LIPI: variants seen among roughly 807,000 people sequenced by gnomAD.
LIPI encodes lipase I, also known as lipase member I.
A neutral mutation model predicts 50.6 loss-of-function variants in LIPI; 59 were observed. The observed-to-expected ratio is 1.16, with a 90% confidence interval of 0.94 to 1.45. LIPI has a LOEUF of 1.45. LIPI is among the 40% of genes most tolerant of loss of function. The pLI, the probability that LIPI is intolerant of heterozygous loss-of-function variation, is 0.00. For synonymous variants in LIPI, 203 were observed against 178.2 expected (o/e 1.14, Z -1.11); for missense variants, 586 against 536.3 (o/e 1.09, Z -0.92).
In LIPI at chr21:14,152,091, AT is replaced by A. The variant is rs956668575; in HGVS notation, c.1118+481del. ...ACTTATTTTATTTATTTATTTATTT[AT>A]TTATTTATTTATTTATTTATTTATT... On this transcript the variant is annotated intron_variant, in intron 8 of 9. Coordinates refer to ENST00000681601, the MANE Select transcript of LIPI (RefSeq NM_001302998.2). Among the ~76,000 whole-genome samples, 20 of 150,298 alleles carry A rather than the reference AT, an allele frequency of 1.3e-4. No individual in the cohort carries two copies. The East Asian group carries it at 3.5e-3, about 26-fold the overall frequency.
chr21:14,136,571 T>C (rs1257836333), intron 9 of LIPI, among the ~76,000 whole-genome samples: 1 of 152,144 alleles, frequency 6.6e-6, no homozygotes, highest in Non-Finnish European at 1.5e-5. Flanking sequence ...CCAGGTAGAC[T>C]TCTAAGGTTT....
At chr21:14,132,590 C>G (rs983821202) in intron 9 of LIPI, among the ~76,000 whole-genome samples, 4 of 151,930 alleles carry the variant, frequency 2.6e-5, no homozygotes, top group Non-Finnish European at 4.4e-5. Context: ...AACATGGAAA[C>G]AAAAAGTCAA....
rs1274648444 is a variant in LIPI at position 14,130,919 on chromosome 21, T to C, written c.1295+13704A>G. Among the ~76,000 whole-genome samples, 5 of 152,126 alleles carry C rather than the reference T, an allele frequency of 3.3e-5. No homozygotes were observed. In the East Asian group the frequency reaches 9.6e-4, roughly 29 times the overall value. ...CTGAGAGCCTTCCCACACAGCTGGCTCACCACTCCCACTACTAACTTTTTT... is the reference window on the plus strand; with the variant it reads ...CTGAGAGCCTTCCCACACAGCTGGCCCACCACTCCCACTACTAACTTTTTT... On this transcript the variant is annotated intron_variant, in intron 9 of 9. Transcript: ENST00000681601.
At chr21:14,155,438 TG>T (rs2018240491) in intron 7 of LIPI, among the ~76,000 whole-genome samples, 1 of 151,834 alleles carries the variant, frequency 6.6e-6, no homozygotes, top group Non-Finnish European at 1.5e-5. Context: ...TTTCTAAATT[TG>T]GTGAAAAAAA....
At chr21:14,137,217 T>A (rs73157513) in intron 9 of LIPI, among the ~76,000 whole-genome samples, 21,239 of 151,516 alleles carry the variant, frequency 0.14, 1,960 homozygotes, top group South Asian at 0.22. Flanking sequence ...CAGGAAAACA[T>A]GACATCAACA....
chr21:14,130,067 T>C (rs2122991159), intron 9 of LIPI, among the ~76,000 whole-genome samples: 1 of 152,262 alleles, frequency 6.6e-6, no homozygotes. Flanking sequence ...ATCAACAAAC[T>C]TTGTAAAATT....
chr21:14,182,430 A>G (rs2019305638), intron 3 of LIPI, among the ~76,000 whole-genome samples: 1 of 152,206 alleles, frequency 6.6e-6, no homozygotes, highest in Non-Finnish European at 1.5e-5. Flanking sequence ...ATTTCTAAAT[A>G]AAAATGCTAG....
intron 9 of LIPI, among the ~76,000 whole-genome samples, chr21:14,110,779 G>A (rs1291911382): frequency 6.6e-6 from 1 of 151,272 alleles, no homozygotes; most frequent in East Asian, 1.9e-4. Context: ...TGTCCTTCAG[G>A]TTCATTCATG....
rs550317622 is a variant in LIPI at position 14,156,974 on chromosome 21, G to A, written c.1007-4290C>T. Among the ~76,000 whole-genome samples the A allele has an allele frequency of 9.2e-5, 14 of 151,862 alleles. 1 individual carries two copies. Among genetic ancestry groups the A allele is most frequent in the Admixed American group, 6.6e-5 (1 of 15,198 alleles). ...AGAAATATATTATTGGAAACTGGTA[G>A]AAGAAGAATCCTCACTACATCGTGG... is the stretch of plus-strand genomic sequence containing the variant. On this transcript the variant is annotated intron_variant, in intron 7 of 9. Coordinates refer to ENST00000681601, the MANE Select transcript of LIPI (RefSeq NM_001302998.2).
At chr21:14,178,178 A>AT (rs1394542765) in intron 4 of LIPI, among the ~76,000 whole-genome samples, 2 of 151,994 alleles carry the variant, frequency 1.3e-5, no homozygotes. Context: ...AATCTTTATT[A>AT]TTTTTCTTAT....
At chr21:14,193,386 G>A (rs554571027) in intron 1 of LIPI, among the ~76,000 whole-genome samples, 1 of 152,074 alleles carries the variant, frequency 6.6e-6, no homozygotes, top group Admixed American at 6.6e-5. Context: ...GTAAAAATAA[G>A]TGCTTTGCTA....
At chr21:14,115,527 A>G (rs1483362912) in intron 9 of LIPI, among the ~76,000 whole-genome samples, 1 of 152,074 alleles carries the variant, frequency 6.6e-6, no homozygotes, top group African/African-American at 2.4e-5. Flanking sequence ...TGATTGCCCC[A>G]CAACATTTCT....
intron 4 of LIPI, 51 bp downstream of exon 4, chr21:14,181,706 AC>A (rs2019275342): frequency 4.5e-6 from 5 of 1,106,014 alleles, no homozygotes; most frequent in Non-Finnish European, 6.9e-6. Flanking sequence ...CCCAAGGTCT[AC>A]ATTTTCCTTT....
intron 8 of LIPI, among the ~76,000 whole-genome samples, chr21:14,149,914 G>A (rs1166504326): frequency 1.3e-5 from 2 of 152,196 alleles, no homozygotes; most frequent in Non-Finnish European, 2.9e-5. Context: ...TTTTCCAGGT[G>A]CATGGTGCAA....
chr21:14,142,773 C>G (rs892423899), intron 9 of LIPI, among the ~76,000 whole-genome samples: 3 of 151,760 alleles, frequency 2.0e-5, no homozygotes, highest in Non-Finnish European at 1.5e-5. Context: ...CGTGAGCCAC[C>G]ACTCTTGGCC....
At chr21:14,130,924 A>G (rs1208812716) in intron 9 of LIPI, among the ~76,000 whole-genome samples, 2 of 151,044 alleles carry the variant, frequency 1.3e-5, no homozygotes, top group African/African-American at 4.9e-5. Flanking sequence ...CTGGCTCACC[A>G]CTCCCACTAC....
intron 2 of LIPI, 59 bp from the exon 3 acceptor site, chr21:14,186,128 C>A: frequency 1.1e-6 from 1 of 923,856 alleles, no homozygotes; most frequent in South Asian, 1.3e-5. Flanking sequence ...ACAAATCATG[C>A]CCCCCTCATA....
intron 9 of LIPI, chr21:14,143,581 A>C (rs1199933027): frequency 3.9e-5 from 6 of 152,258 alleles, no homozygotes; most frequent in Middle Eastern, 3.4e-3. Context: ...CAGGAACATA[A>C]AGAGAAATAA....
At chr21:14,184,080 T>A (rs1198021787) in intron 3 of LIPI, among the ~76,000 whole-genome samples, 1 of 152,154 alleles carries the variant, frequency 6.6e-6, no homozygotes, top group African/African-American at 2.4e-5. Flanking sequence ...CCAACCTAAA[T>A]GTCCAACAAC....
Sources: allele counts gnomAD v4.1 joint callset (sites outside exome capture counted in the v4.1 genomes callset), GRCh38; gene constraint gnomAD v4.1.1; transcripts MANE v1.5; gene names NCBI Gene and HGNC (gene_info 2026-07-23, HGNC 2026-07-21).